The following C8orf88 variants were observed in gnomAD, a reference collection of about 807,000 sequenced individuals.
C8orf88 encodes uncharacterized protein C8orf88.
A neutral mutation model predicts 18.4 loss-of-function variants in C8orf88; 14 were observed. The observed-to-expected ratio is 0.76, with a 90% CI of 0.50 to 1.19. The LOEUF is 1.19. C8orf88 is among the 50% of genes most tolerant of loss of function. The pLI is 0.00. For missense variants in C8orf88, 116 were observed against 134.7 expected (o/e 0.86, Z 0.69); for synonymous variants, 45 against 42.9 (o/e 1.05, Z -0.19).
chr8:90,979,773 AG>A (rs1342740623), intron 2 of C8orf88, among the ~76,000 whole-genome samples: 2 of 152,226 alleles, frequency 1.3e-5, no homozygotes, highest in African/African-American at 4.8e-5. Flanking sequence ...ATTCCAATTT[AG>A]AAGTTAAATA....
chr8:90,962,584 G>A (rs939553804), intron 4 of C8orf88, among the ~76,000 whole-genome samples: 3 of 151,466 alleles, frequency 2.0e-5, no homozygotes, highest in Non-Finnish European at 3.0e-5. Context: ...ACTTACCTGG[G>A]ACCATCCCCC....
intron 1 of C8orf88, among the ~76,000 whole-genome samples, chr8:90,981,708 A>G (rs117283617): frequency 6.6e-6 from 1 of 152,120 alleles, no homozygotes; most frequent in African/African-American, 2.4e-5. Context: ...TTATTTTTGT[A>G]TTCTAGTATC....
At chr8:90,963,723 A>C (rs776695883) in intron 4 of C8orf88, among the ~76,000 whole-genome samples, 32 of 151,776 alleles carry the variant, frequency 2.1e-4, no homozygotes, top group Middle Eastern at 3.4e-3. Context: ...TGGAAGAAAG[A>C]ATCAGCAAAT....
chr8:90,977,474 A>G (rs531403656), intron 3 of C8orf88, among the ~76,000 whole-genome samples: 4 of 152,322 alleles, frequency 2.6e-5, no homozygotes, highest in South Asian at 4.1e-4. Flanking sequence ...TATAATATAG[A>G]AACAAGCGCC....
At chr8:90,976,041 T>A (rs1270384163) in intron 3 of C8orf88, among the ~76,000 whole-genome samples, 6 of 151,918 alleles carry the variant, frequency 3.9e-5, no homozygotes. Flanking sequence ...TTCATTTATA[T>A]GAAACTCTAG....
chr8:90,959,191 C>T (rs1020279935), intron 5 of C8orf88, 161 bp from the exon 6 acceptor site: 20 of 394,594 alleles, frequency 5.1e-5, no homozygotes, highest in African/African-American at 1.5e-4. Flanking sequence ...AATAACAAAA[C>T]GGCTCATGTT....
At chr8:90,962,113 C>T (rs187114493) in intron 4 of C8orf88, among the ~76,000 whole-genome samples, 9 of 151,568 alleles carry the variant, frequency 5.9e-5, no homozygotes, top group Admixed American at 2.6e-4. Context: ...TGAAATACAT[C>T]GAGGAAAAAT....
At chr8:90,979,928 C>T (rs1366197518) in intron 2 of C8orf88, among the ~76,000 whole-genome samples, 1 of 152,168 alleles carries the variant, frequency 6.6e-6, no homozygotes, top group Non-Finnish European at 1.5e-5. Flanking sequence ...AAGTATGACA[C>T]AACTACTACA....
chr8:90,973,437 T>A (rs1019927324), intron 3 of C8orf88, among the ~76,000 whole-genome samples: 1 of 152,150 alleles, frequency 6.6e-6, no homozygotes, highest in South Asian at 2.1e-4. Flanking sequence ...AAGTGCTCTT[T>A]GCAATGGCAC....
chr8:90,980,835 G>A (rs1343498716), intron 1 of C8orf88, among the ~76,000 whole-genome samples: 2 of 152,090 alleles, frequency 1.3e-5, no homozygotes, highest in African/African-American at 4.8e-5. Flanking sequence ...TGGGATTACA[G>A]GCATGAACCA....
chr8:90,964,740 A>T (rs1811171280), intron 4 of C8orf88, among the ~76,000 whole-genome samples: 2 of 151,716 alleles, frequency 1.3e-5, no homozygotes, highest in Admixed American at 1.3e-4. Flanking sequence ...GTAATTTATG[A>T]CAACAACAAC....
In C8orf88 at chr8:90,960,929, G is replaced by A. The variant is rs970712532; in HGVS notation, c.224-81C>T. The A allele has an allele frequency of 1.1e-5, 8 of 720,064 alleles. No homozygotes were observed. In the African/African-American group the frequency reaches 1.4e-4, roughly 13 times the overall value. 44.6% of individuals were successfully genotyped at this position (720,064 alleles called of 1,614,324 possible). A position where few individuals can be genotyped will look rare whatever the true frequency, so the allele number is the denominator to read the frequency against. On this transcript the variant is annotated intron_variant, in intron 4 of 5. Coordinates refer to ENST00000517562, the MANE Select transcript of C8orf88 (RefSeq NM_001190972.2). ...CTTTTTGGTTCATTTCTTTCTGGATGTCCTCTATTCATTATATAAAATGAT... is the reference window on the plus strand; with the variant it reads ...CTTTTTGGTTCATTTCTTTCTGGATATCCTCTATTCATTATATAAAATGAT...
chr8:90,979,792 T>A (rs932683437), intron 2 of C8orf88, among the ~76,000 whole-genome samples: 4 of 152,176 alleles, frequency 2.6e-5, no homozygotes, highest in Admixed American at 6.5e-5. Flanking sequence ...ATACCAGGTA[T>A]TTCAGGAATT....
rs574040551 is a variant in C8orf88 at position 90,961,780 on chromosome 8, A to G, written c.224-932T>C. ...AAAAGCAAAAGCCACCACAGATAAT[A>G]TATAGATGAAGGGTGTGGCTATGTT... On this transcript the variant is annotated intron_variant, in intron 4 of 5. Transcript: ENST00000517562. 9.2e-5 allele frequency among the ~76,000 whole-genome samples: 14 copies of G among 151,602 alleles called. 2 individuals are homozygous for G. In the South Asian group the frequency reaches 2.7e-3, roughly 29 times the overall value.
At chr8:90,968,126 A>G (rs1445874435) in intron 4 of C8orf88, among the ~76,000 whole-genome samples, 1 of 151,736 alleles carries the variant, frequency 6.6e-6, no homozygotes, top group Non-Finnish European at 1.5e-5. Context: ...AACAATTTGG[A>G]AAAAGAACAA....
intron 1 of C8orf88, among the ~76,000 whole-genome samples, chr8:90,983,560 A>T (rs1161429604): frequency 6.6e-6 from 1 of 152,164 alleles, no homozygotes; most frequent in African/African-American, 2.4e-5. Flanking sequence ...ACAATGGGAT[A>T]ATAAGCAGAT....
chr8:90,960,890 G>T, intron 4 of C8orf88, 42 bp from the exon 5 acceptor site: 1 of 1,174,758 alleles, frequency 8.5e-7, no homozygotes, highest in Non-Finnish European at 1.2e-6. Context: ...GGAAATGTAG[G>T]GCTGTCTAGA....
intron 4 of C8orf88, among the ~76,000 whole-genome samples, chr8:90,963,048 A>C (rs1166901745): frequency 2.0e-5 from 3 of 151,634 alleles, no homozygotes; most frequent in Non-Finnish European, 4.4e-5. Flanking sequence ...CTCCTGGCTG[A>C]CTTTCAGATT....
upstream of C8orf88, chr8:90,985,264 G>C (rs2631022): frequency 6.7e-6 from 1 of 148,788 alleles, no homozygotes; most frequent in Non-Finnish European, 1.5e-5. Flanking sequence ...CGAGGGGCGG[G>C]GGGCGAGGGG....
Sources: gnomAD v4.1 joint callset for allele counts (sites outside exome capture counted in the v4.1 genomes callset) on GRCh38, gnomAD v4.1.1 for gene constraint, MANE v1.5 for transcripts, NCBI Gene and HGNC (gene_info 2026-07-23, HGNC 2026-07-21) for gene names.